Variants in GFM1 observed in about 807,000 individuals in gnomAD.
The protein encoded by GFM1 is G elongation factor mitochondrial 1, also known as elongation factor G, mitochondrial.
GFM1 carries 62 observed loss-of-function variants against 96.2 expected under a neutral mutation model. The ratio of observed to expected loss-of-function variants is 0.64; its 90% CI spans 0.53 to 0.80. GFM1 has a LOEUF of 0.80. Among genes scored for constraint, GFM1 ranks in the 30% least tolerant of loss-of-function variants. The pLI is 0.00. For synonymous variants in GFM1, 282 were observed against 312.9 expected, an observed-to-expected ratio of 0.90 and a Z score of 1.04; for missense variants, 852 against 916.6, an observed-to-expected ratio of 0.93 and a Z score of 0.91.
intron 3 of GFM1, 100 bp downstream of exon 3, chr3:158,646,397 A>C (rs536285807): frequency 8.1e-7 from 1 of 1,240,168 alleles, no homozygotes; most frequent in East Asian, 2.3e-5. Flanking sequence ...TCAAATACTC[A>C]AAAGTGTAAC....
In GFM1 at chr3:158,644,562, C is replaced by G. The variant is rs116614958; in HGVS notation, c.-73C>G. The G allele has an allele frequency of 1.6e-6, 2 of 1,280,190 alleles. No homozygotes were observed. The highest frequency in any genetic ancestry group is 2.2e-6 in the Non-Finnish European group (2 of 904,478). 79.3% of individuals were successfully genotyped at this position (1,280,190 alleles called of 1,614,324 possible). On this transcript the variant is annotated 5_prime_UTR_variant, in exon 1 of 18. Coordinates refer to ENST00000486715, the MANE Select transcript of GFM1 (RefSeq NM_024996.7). ...CATTGGCTGCCGGCGTGACTTTGAC[C>G]GCTTCCCGGTGCGTTACCGGCAGCT... is the stretch of plus-strand genomic sequence containing the variant.
intron 13 of GFM1, among the ~76,000 whole-genome samples, chr3:158,668,339 A>G (rs939381791): frequency 3.9e-5 from 6 of 152,192 alleles, no homozygotes; most frequent in Non-Finnish European, 8.8e-5. Flanking sequence ...TCATGACGAG[A>G]AAAAAATCTG....
At chr3:158,667,291 T>C (rs1576759325) in intron 13 of GFM1, among the ~76,000 whole-genome samples, 2 of 152,256 alleles carry the variant, frequency 1.3e-5, no homozygotes, top group East Asian at 1.9e-4. Flanking sequence ...CATGATCTTA[T>C]ATTTGTTCCC....
At chr3:158,688,602 A>G (rs1726059327) in intron 15 of GFM1, among the ~76,000 whole-genome samples, 2 of 152,160 alleles carry the variant, frequency 1.3e-5, no homozygotes, top group South Asian at 4.1e-4. Context: ...GCTTTTTTTC[A>G]TATTAATTAC....
intron 13 of GFM1, among the ~76,000 whole-genome samples, chr3:158,669,767 TATTAA>T (rs1724093583): frequency 6.6e-6 from 1 of 152,238 alleles, no homozygotes; most frequent in African/African-American, 2.4e-5. Context: ...GGGCCTGGCC[TATTAA>T]ATTCTAGACT....
chr3:158,689,630 T>A (rs1477016191), intron 15 of GFM1, among the ~76,000 whole-genome samples: 1 of 151,680 alleles, frequency 6.6e-6, no homozygotes, highest in Non-Finnish European at 1.5e-5. Flanking sequence ...CAAAAATTAG[T>A]GGTAGCAGAT....
rs1722685019 is a variant in GFM1 at position 158,655,591 on chromosome 3, CTA to C, written c.1083+962_1083+963del. Among the ~76,000 whole-genome samples, 3 of 151,916 alleles carry C rather than the reference CTA, an allele frequency of 2.0e-5. No individual in the cohort carries two copies. The South Asian group carries it at 6.2e-4, about 32-fold the overall frequency. ...GACTTTAAAAATTATGTTGAAATGCCTATTTTTGACATGAAAAGATGTTTATG... is the reference window on the plus strand; with the variant it reads ...GACTTTAAAAATTATGTTGAAATGCCTTTTTGACATGAAAAGATGTTTATG... On this transcript the variant is annotated intron_variant, in intron 8 of 17. Transcript: ENST00000486715.
At chr3:158,665,761 A>G (rs1257190987) in intron 12 of GFM1, among the ~76,000 whole-genome samples, 1 of 152,220 alleles carries the variant, frequency 6.6e-6, no homozygotes, top group Non-Finnish European at 1.5e-5. Flanking sequence ...AACTGGGTCA[A>G]GTAAATCCTG....
chr3:158,672,235 A>T, intron 13 of GFM1: 1 of 1,329,736 alleles, frequency 7.5e-7, no homozygotes, highest in Non-Finnish European at 1.0e-6. Flanking sequence ...GTCCTAAAAC[A>T]GAAGGTGGGT....
chr3:158,645,267 A>G (rs1215126414), intron 1 of GFM1, among the ~76,000 whole-genome samples: 1 of 152,228 alleles, frequency 6.6e-6, no homozygotes, highest in Non-Finnish European at 1.5e-5. Context: ...AGGGAAAAAA[A>G]TTAAGTTAAA....
At chr3:158,673,396 A>G (rs1724549421) in intron 13 of GFM1, among the ~76,000 whole-genome samples, 1 of 152,144 alleles carries the variant, frequency 6.6e-6, no homozygotes, top group Non-Finnish European at 1.5e-5. Flanking sequence ...GTAGAAGTAC[A>G]GGTTTATCCT....
rs553955263 is a variant in GFM1, at chr3:158,673,332, A to C, written c.1601+6946A>C. 2.0e-5 allele frequency among the ~76,000 whole-genome samples: 3 copies of C among 152,008 alleles called. No individual in the cohort carries two copies. In the South Asian group the frequency reaches 6.2e-4, roughly 32 times the overall value. ...CTTAAAAACTGAACTTATACAAAGCACTCTCTCTGGTATGTGGTCTACCTC... is the reference window on the plus strand; with the variant it reads ...CTTAAAAACTGAACTTATACAAAGCCCTCTCTCTGGTATGTGGTCTACCTC... On this transcript the variant is annotated intron_variant, in intron 13 of 17. Coordinates refer to ENST00000486715, the MANE Select transcript of GFM1 (RefSeq NM_024996.7).
At chr3:158,645,439 T>A (rs1721694349) in intron 1 of GFM1, among the ~76,000 whole-genome samples, 190 bp from the exon 2 acceptor site, 1 of 152,238 alleles carries the variant, frequency 6.6e-6, no homozygotes, top group Non-Finnish European at 1.5e-5. Flanking sequence ...ACGTCTTTAC[T>A]GTCTTGTTTT....
chr3:158,662,070 T>G (rs935784344), intron 10 of GFM1, among the ~76,000 whole-genome samples: 2 of 152,160 alleles, frequency 1.3e-5, no homozygotes, highest in Non-Finnish European at 2.9e-5. Context: ...CAGGCCTTGG[T>G]TAGAGTCTCA....
rs148209578 is a variant in GFM1 at position 158,649,065 on chromosome 3, G to A, written c.597G>A (p.Ala199=). Residue 199 remains alanine, a synonymous_variant, in exon 5 of 18, where the codon GCG becomes GCA. Coordinates refer to ENST00000486715, the MANE Select transcript of GFM1 (RefSeq NM_024996.7). ...QMRSKLNHNA[A]FMQIPMGLEG... is the part of the protein sequence containing the mutation. ...GGTCTAAACTAAATCATAATGCAGC[G>A]TTTATGCAGATACCCATGGGTTTGG... is the stretch of plus-strand genomic sequence containing the variant. The A allele has an allele frequency of 5.0e-5, 77 of 1,541,440 alleles. No homozygotes were observed. Among genetic ancestry groups the A allele is most frequent in the South Asian group, 4.5e-4 (40 of 89,466 alleles).
chr3:158,650,837 AC>A (rs994419125), intron 5 of GFM1: 1 of 152,126 alleles, frequency 6.6e-6, no homozygotes, highest in Non-Finnish European at 1.5e-5. Flanking sequence ...CCTGGCTAAC[AC>A]GGTGAAACCC....
chr3:158,649,006 GA>G, intron 4 of GFM1, 34 bp from the exon 5 acceptor site: 3 of 978,192 alleles, frequency 3.1e-6, no homozygotes, highest in Admixed American at 1.7e-5. Flanking sequence ...TAGGGGAGAA[GA>G]AAAAAGGTAA....
intron 13 of GFM1, among the ~76,000 whole-genome samples, chr3:158,675,555 A>G (rs891836256): frequency 6.6e-6 from 1 of 152,102 alleles, no homozygotes; most frequent in Non-Finnish European, 1.5e-5. Flanking sequence ...TAAACTTTCT[A>G]AATTTTATAT....
At chr3:158,646,622 A>C in intron 3 of GFM1, 121 bp from the exon 4 acceptor site, 1 of 927,662 alleles carries the variant, frequency 1.1e-6, no homozygotes, top group South Asian at 1.4e-5. Flanking sequence ...TGGTGAGCTC[A>C]GGAATCTACA....
Sources: allele counts gnomAD v4.1 joint callset (sites outside exome capture counted in the v4.1 genomes callset), GRCh38; gene constraint gnomAD v4.1.1; transcripts MANE v1.5; gene names NCBI Gene and HGNC (gene_info 2026-07-23, HGNC 2026-07-21).